Variants in RAB11FIP3 observed in about 807,000 individuals in gnomAD.
RAB11FIP3 encodes rab11 family-interacting protein 3.
In RAB11FIP3, 17 loss-of-function variants were observed where a neutral mutation model predicts 77.8. The observed-to-expected ratio is 0.22, with a 90% CI of 0.15 to 0.33. The LOEUF (loss-of-function observed/expected upper bound fraction) is 0.33, where lower values mean the gene tolerates loss of function less well. Ranked by LOEUF, RAB11FIP3 falls within the 10% of genes least tolerant of loss-of-function variation. RAB11FIP3 has a pLI of 1.00. For synonymous variants in RAB11FIP3, 437 were observed against 448.2 expected, an observed-to-expected ratio of 0.98 and a Z score of 0.31; for missense variants, 1,005 against 1,011.2, an observed-to-expected ratio of 0.99 and a Z score of 0.08.
chr16:489,582 C>A (rs1023474750), intron 5 of RAB11FIP3, among the ~76,000 whole-genome samples: 3 of 152,204 alleles, frequency 2.0e-5, no homozygotes, highest in African/African-American at 7.2e-5. Flanking sequence ...TAGGACGCTC[C>A]TGACTTCAGG....
chr16:483,268 A>T (rs2056083078), intron 4 of RAB11FIP3, among the ~76,000 whole-genome samples: 4 of 152,310 alleles, frequency 2.6e-5, no homozygotes, highest in Admixed American at 2.0e-4. Context: ...CAGCACGCTG[A>T]AGTGTAATTG....
chr16:509,921 C>T (rs568246120), intron 8 of RAB11FIP3, among the ~76,000 whole-genome samples: 106 of 152,390 alleles, frequency 7.0e-4, no homozygotes, highest in African/African-American at 2.2e-3. Flanking sequence ...CAGACTCCGC[C>T]AGCACACTCA....
At chr16:503,977 ACCTCCTGTACCCCCTCAC>A (rs2031676563) in intron 7 of RAB11FIP3, among the ~76,000 whole-genome samples, 1 of 14,892 alleles carries the variant, frequency 6.7e-5, no homozygotes, top group East Asian at 3.7e-3. Flanking sequence ...CCCCCTCACC[ACCTCCTGTACCCCCTCAC>A]CACCTCCTGT....
intron 10 of RAB11FIP3, among the ~76,000 whole-genome samples, chr16:519,462 G>A (rs11862372): frequency 2.0e-5 from 3 of 152,238 alleles, no homozygotes; most frequent in Admixed American, 6.5e-5. Context: ...AGAGGAGCCC[G>A]GCTGGAGGTG....
chr16:427,696 A>G lies in RAB11FIP3; in HGVS notation c.714+976A>G, dbSNP rs1275199734. Among the ~76,000 whole-genome samples, 3 of 152,230 alleles carry G rather than the reference A, an allele frequency of 2.0e-5. No homozygotes were observed. The East Asian group carries it at 5.8e-4, about 29-fold the overall frequency. On this transcript the variant is annotated intron_variant, in intron 1 of 13. Coordinates refer to ENST00000262305, the MANE Select transcript of RAB11FIP3 (RefSeq NM_014700.4). ...TTGTATTTTGACTTCTCACACATGCAGACATCTGGTAAGTGGGTGTTCAAG... is the reference window on the plus strand; with the variant it reads ...TTGTATTTTGACTTCTCACACATGCGGACATCTGGTAAGTGGGTGTTCAAG...
Position 505,066 on chromosome 16 carries a change from CCTT to C in RAB11FIP3, c.1396-455_1396-453del, listed in dbSNP as rs1345301929. On this transcript the variant is annotated intron_variant, in intron 7 of 13. Coordinates refer to ENST00000262305, the MANE Select transcript of RAB11FIP3 (RefSeq NM_014700.4). This position sits in a 1 kb window ranked among gnomAD's most constrained non-coding sequence, Gnocchi z 4.0. Reference sequence around the variant, plus strand: ...CAAGTCCTCCTCTGCTCCCTTCACTCCTTCTCCTACCTCCGCAGGTGTCTGATT... The same window carrying C: ...CAAGTCCTCCTCTGCTCCCTTCACTCCTCCTACCTCCGCAGGTGTCTGATT... 2.7e-5 allele frequency among the ~76,000 whole-genome samples: 4 copies of C among 150,426 alleles called. No individual in the cohort carries two copies. The highest frequency in any genetic ancestry group is 9.8e-5 in the African/African-American group (4 of 40,700).
At chr16:496,777 CTCTG>C (rs1481003892) in intron 5 of RAB11FIP3, 43 bp from the exon 6 acceptor site, 7 of 1,537,038 alleles carry the variant, frequency 4.6e-6, no homozygotes, top group African/African-American at 1.4e-5. Flanking sequence ...TCCTGCTCCT[CTCTG>C]TCTGTTCTAA....
intron 1 of RAB11FIP3, among the ~76,000 whole-genome samples, chr16:458,001 A>G (rs2055530970): frequency 6.6e-6 from 1 of 152,248 alleles, no homozygotes; most frequent in Non-Finnish European, 1.5e-5. Context: ...GAGTCACGCT[A>G]GCACACAGAG....
chr16:448,793 T>C (rs1210630659), intron 1 of RAB11FIP3, among the ~76,000 whole-genome samples: 4 of 148,262 alleles, frequency 2.7e-5, no homozygotes, highest in Non-Finnish European at 5.9e-5. Flanking sequence ...TGCATGCCTG[T>C]AATCCCAGCT....
At chr16:459,873 GTCTT>G (rs1363436706) in intron 1 of RAB11FIP3, among the ~76,000 whole-genome samples, 1 of 135,250 alleles carries the variant, frequency 7.4e-6, no homozygotes, top group East Asian at 2.1e-4. Flanking sequence ...AAATTGAGTT[GTCTT>G]TTTTTTTTTT....
At position 478,562 on chromosome 16, in the gene RAB11FIP3, T is replaced by A. The variant is rs192473968; in HGVS notation, c.904-3963T>A. ...CTTTTTCTGCTGGGACTGCAGCTTT[T>A]CTGAGATCTTGTTTATTTGCAAATT... On this transcript the variant is annotated intron_variant, in intron 3 of 13. Transcript: ENST00000262305. 6.3e-3 allele frequency among the ~76,000 whole-genome samples: 961 copies of A among 152,340 alleles called. 6 individuals carry two copies. Among genetic ancestry groups the A allele is most frequent in the Non-Finnish European group, 0.01 (706 of 68,026 alleles).
chr16:426,400 T>C lies in RAB11FIP3; in HGVS notation c.394T>C (p.Cys132Arg). ...CTCCTGGACTGAGGAGCCCGAGGAG[T>C]GTGGCCCCGCGAGCTGCCCGGAGAG... ...LFSWTEEPEE[C>R]GPASCPESAP... is the part of the protein sequence containing the mutation. The change falls in exon 1 of 14, where the codon TGT becomes CGT. Residue 132 changes from cysteine to arginine, a missense_variant. By Grantham distance (180) the Cys-to-Arg change is radical. Transcript: ENST00000262305. This position sits in a 1 kb window ranked among gnomAD's most constrained non-coding sequence, Gnocchi z 5.0. The C allele has an allele frequency of 6.3e-7, 1 of 1,580,944 alleles. No homozygotes were observed. Among genetic ancestry groups the C allele is most frequent in the Non-Finnish European group, 8.6e-7 (1 of 1,165,702 alleles).
intron 2 of RAB11FIP3, among the ~76,000 whole-genome samples, chr16:462,702 G>T (rs2055632304): frequency 1.2e-5 from 1 of 84,728 alleles, no homozygotes; most frequent in Non-Finnish European, 2.2e-5. Context: ...CAGTCCCCCG[G>T]CACCGTCCCT....
chr16:480,927 C>T (rs1266033762), intron 3 of RAB11FIP3, among the ~76,000 whole-genome samples: 1 of 113,526 alleles, frequency 8.8e-6, no homozygotes, highest in African/African-American at 2.7e-5. Context: ...TTGCCTGCCT[C>T]AGCCTCCTGA....
intron 2 of RAB11FIP3, among the ~76,000 whole-genome samples, chr16:462,036 G>GT (rs2055615653): frequency 6.6e-6 from 1 of 152,216 alleles, no homozygotes; most frequent in Non-Finnish European, 1.5e-5. Context: ...TTTACCTGCA[G>GT]TGAAATGTAC....
intron 1 of RAB11FIP3, among the ~76,000 whole-genome samples, chr16:460,766 G>A (rs1004099091): frequency 1.3e-5 from 2 of 152,140 alleles, no homozygotes; most frequent in African/African-American, 4.8e-5. Context: ...CTTCAGAACT[G>A]ATCTCCCCAC....
chr16:448,747 A>G (rs1320875129), intron 1 of RAB11FIP3, among the ~76,000 whole-genome samples: 2 of 143,120 alleles, frequency 1.4e-5, no homozygotes, highest in Non-Finnish European at 3.1e-5. Flanking sequence ...AGAAAAAAAA[A>G]AAAAAAAAAA....
In RAB11FIP3 at chr16:471,352, C is replaced by G; in HGVS notation, c.866C>G (p.Ala289Gly). Residue 289 changes from alanine (A) to glycine (G), a missense_variant, in exon 3 of 14, where the codon GCC (alanine) becomes GGC (glycine). Around this residue, in one of 4 missense-constraint regions of RAB11FIP3, gnomAD observed 466 missense variants for 408.3 expected, o/e 1.14. Transcript: ENST00000262305. The surrounding 1 kb of genome is among the most constrained non-coding windows in gnomAD (Gnocchi z 4.4). ...TCTGCCCAAGATGAGGAGCCCCTGGCCTGCCCGGACGAGTTCGATGACTTC... is the reference window on the plus strand; with the variant it reads ...TCTGCCCAAGATGAGGAGCCCCTGGGCTGCCCGGACGAGTTCGATGACTTC... The part of the protein sequence containing the change: ...VASAQDEEPL[A>G]CPDEFDDFVT... 2 of 1,613,868 alleles carry G rather than the reference C, an allele frequency of 1.2e-6. No individual in the cohort carries two copies. Among genetic ancestry groups the G allele is most frequent in the Non-Finnish European group, 1.7e-6 (2 of 1,179,850 alleles).
At chr16:518,700 TGG>T (rs200086776) in intron 9 of RAB11FIP3, among the ~76,000 whole-genome samples, 2,632 of 152,324 alleles carry the variant, frequency 0.017, 70 homozygotes, top group African/African-American at 0.06. Context: ...CACTCCAGCC[TGG>T]TGACAGAGTG....
Sources: gnomAD v4.1 joint callset for allele counts (sites outside exome capture counted in the v4.1 genomes callset) on GRCh38, gnomAD v4.1.1 for gene constraint, gnomAD v4.1.1 regional missense constraint, Gnocchi (gnomAD v3.1) non-coding constraint, MANE v1.5 for transcripts, NCBI Gene and HGNC (gene_info 2026-07-23, HGNC 2026-07-21) for gene names.